Variants in PTPRD observed in about 807,000 individuals in gnomAD.
PTPRD encodes the protein receptor-type tyrosine-protein phosphatase delta.
PTPRD carries 34 observed loss-of-function variants against 214.5 expected under a neutral mutation model. The ratio of observed to expected loss-of-function variants is 0.16; its 90% CI spans 0.12 to 0.21. The LOEUF is 0.21. Among genes scored for constraint, PTPRD ranks in the 10% least tolerant of loss-of-function variants. The pLI is 1.00. For synonymous variants in PTPRD, 1,128 were observed against 845.7 expected, an observed-to-expected ratio of 1.33 and a Z score of -5.79; for missense variants, 2,545 against 2,398.7, an observed-to-expected ratio of 1.06 and a Z score of -1.27.
intron 9 of PTPRD, among the ~76,000 whole-genome samples, chr9:9,329,157 C>A (rs2041334099): frequency 6.6e-6 from 1 of 151,976 alleles, no homozygotes; most frequent in Non-Finnish European, 1.5e-5. Flanking sequence ...TTGGTAATGA[C>A]AACGAGAGTC....
chr9:9,996,332 A>G (rs1381348238), intron 4 of PTPRD, among the ~76,000 whole-genome samples: 1 of 152,218 alleles, frequency 6.6e-6, no homozygotes, highest in Admixed American at 6.5e-5. Context: ...AATTTGTTAC[A>G]CAATATTACC....
intron 5 of PTPRD, among the ~76,000 whole-genome samples, chr9:9,778,120 GGC>G (rs2154487302): frequency 6.6e-6 from 1 of 152,268 alleles, no homozygotes; most frequent in South Asian, 2.1e-4. Context: ...CCATAATATG[GGC>G]AGATGTTTGG....
intron 5 of PTPRD, among the ~76,000 whole-genome samples, chr9:9,819,833 CT>C (rs1286121160): frequency 6.6e-6 from 1 of 151,832 alleles, no homozygotes; most frequent in Non-Finnish European, 1.5e-5. Context: ...ATTTTTTTTT[CT>C]TTTATGGCTA....
At chr9:8,424,279 A>T (rs1213345459) in intron 35 of PTPRD, among the ~76,000 whole-genome samples, 2 of 152,190 alleles carry the variant, frequency 1.3e-5, no homozygotes, top group Non-Finnish European at 2.9e-5. Context: ...CTGTGGTGAA[A>T]GGAAATCAAC....
intron 11 of PTPRD, among the ~76,000 whole-genome samples, chr9:8,892,136 C>T (rs1385839402): frequency 1.3e-5 from 2 of 152,090 alleles, no homozygotes; most frequent in Admixed American, 1.3e-4. Context: ...TGACCCCAGC[C>T]CTAACAGCAT....
intron 10 of PTPRD, 115 bp downstream of exon 10, chr9:9,183,189 T>A (rs982552591): frequency 6.6e-6 from 1 of 151,974 alleles, no homozygotes; most frequent in African/African-American, 2.4e-5. Context: ...GTTTGAGTAT[T>A]TTATCCATCC....
At position 10,180,170 on chromosome 9, in the gene PTPRD, A is replaced by G. The variant is rs370300566; in HGVS notation, c.-544-146380T>C. On this transcript the variant is annotated intron_variant, in intron 3 of 45. Coordinates refer to ENST00000381196, the MANE Select transcript of PTPRD (RefSeq NM_002839.4). Reference sequence around the variant, plus strand: ...AATTTAAAACATATGTTTAAAAAATATCAGAAAATATTTCAATCAAATTAT... The same window carrying G: ...AATTTAAAACATATGTTTAAAAAATGTCAGAAAATATTTCAATCAAATTAT... Among the ~76,000 whole-genome samples, 4 of 152,252 alleles carry G rather than the reference A, an allele frequency of 2.6e-5. No individual in the cohort carries two copies. In the East Asian group the frequency reaches 7.7e-4, roughly 29 times the overall value.
rs912678017 is a variant in PTPRD, at chr9:9,630,249, A to G, written c.-286-55468T>C. Among the ~76,000 whole-genome samples, 8 of 152,220 alleles carry G rather than the reference A, an allele frequency of 5.3e-5. 1 individual carries two copies. Among genetic ancestry groups the G allele is most frequent in the Admixed American group, 5.2e-4 (8 of 15,278 alleles). On this transcript the variant is annotated intron_variant, in intron 7 of 45. Coordinates refer to ENST00000381196, the MANE Select transcript of PTPRD (RefSeq NM_002839.4). The stretch of plus-strand genomic sequence containing the variant: ...TAGGTTGGAGGTTGCCACCATTTTC[A>G]TTTAGGTCATAGACAACATACCAGG...
chr9:8,915,518 T>C (rs149199679), intron 11 of PTPRD, among the ~76,000 whole-genome samples: 2 of 152,242 alleles, frequency 1.3e-5, no homozygotes, highest in Non-Finnish European at 2.9e-5. Flanking sequence ...TGTGTATATA[T>C]ACAAACATAT....
rs532179627 is a variant in PTPRD at position 8,339,193 on chromosome 9, A to G, written c.5254-146T>C. 185 of 820,932 alleles carry G rather than the reference A, an allele frequency of 2.3e-4. 1 individual carries two copies. The Admixed American group carries it at 5.5e-3, about 24-fold the overall frequency. The allele number at this position is 820,932 out of a possible 1,614,324, so 50.9% of individuals were successfully genotyped here. ...AGGCAATTCCAATTGCATATGACTC[A>G]TTTCCTCTTAGAAACCATGAGCTCC... is the stretch of plus-strand genomic sequence containing the variant. On this transcript the variant is annotated intron_variant, in intron 42 of 45. Transcript: ENST00000381196.
intron 36 of PTPRD, among the ~76,000 whole-genome samples, chr9:8,398,673 G>A (rs1417388320): frequency 6.6e-6 from 1 of 152,040 alleles, no homozygotes; most frequent in South Asian, 2.1e-4. Context: ...GATTAAGTTT[G>A]CCCTTTTTCT....
Position 8,842,941 on chromosome 9 carries a change from T to A in PTPRD, c.-103-108995A>T, listed in dbSNP as rs143860527. ...GCTGCACATGGAGCTTTAAGACAGA[T>A]CTATCTGCTTTGGACAGCCCAGTCT... is the stretch of plus-strand genomic sequence containing the variant. On this transcript the variant is annotated intron_variant, in intron 11 of 45. Transcript: ENST00000381196. Among the ~76,000 whole-genome samples the A allele has an allele frequency of 5.1e-4, 78 of 152,252 alleles. 1 individual carries two copies. The highest frequency in any genetic ancestry group is 1.8e-3 in the African/African-American group (75 of 41,534).
At position 10,480,934 on chromosome 9, in the gene PTPRD, T is replaced by A. The variant is rs186295039; in HGVS notation, c.-600+131464A>T. 2.3e-3 allele frequency among the ~76,000 whole-genome samples: 354 copies of A among 152,266 alleles called. 2 individuals carry two copies. The highest frequency in any genetic ancestry group is 8.0e-3 in the African/African-American group (332 of 41,560). On this transcript the variant is annotated intron_variant, in intron 2 of 45. Coordinates refer to ENST00000381196, the MANE Select transcript of PTPRD (RefSeq NM_002839.4). ...TAAACTCTTCTTTGATACCCTGTAATAAGATTGGAACTTGTTCTGGGAAGC... is the reference window on the plus strand; with the variant it reads ...TAAACTCTTCTTTGATACCCTGTAAAAAGATTGGAACTTGTTCTGGGAAGC...
chr9:9,763,284 G>A (rs571062475), intron 6 of PTPRD, among the ~76,000 whole-genome samples: 33 of 152,134 alleles, frequency 2.2e-4, no homozygotes, highest in Non-Finnish European at 2.5e-4. Context: ...AATGATGGGT[G>A]TGTTTCTTTT....
intron 14 of PTPRD, among the ~76,000 whole-genome samples, chr9:8,554,913 A>G (rs1311687928): frequency 2.0e-5 from 3 of 151,822 alleles, no homozygotes; most frequent in Non-Finnish European, 4.4e-5. Context: ...GAGTCCATCA[A>G]GTTGAAACTT....
intron 8 of PTPRD, among the ~76,000 whole-genome samples, chr9:9,411,490 C>T (rs1040218156): frequency 6.6e-6 from 1 of 152,138 alleles, no homozygotes; most frequent in Non-Finnish European, 1.5e-5. Context: ...CCAAATTACT[C>T]TTTTACTCTA....
intron 11 of PTPRD, among the ~76,000 whole-genome samples, chr9:8,966,941 CAACA>C (rs542780931): frequency 5.4e-5 from 8 of 149,054 alleles, no homozygotes; most frequent in Admixed American, 1.3e-4. Context: ...AACAACAAAA[CAACA>C]AACAAACAAA....
intron 12 of PTPRD, among the ~76,000 whole-genome samples, chr9:8,645,999 CA>C (rs1455195480): frequency 6.7e-6 from 1 of 150,300 alleles, no homozygotes; most frequent in African/African-American, 2.5e-5. Context: ...TTTTTGTACC[CA>C]AAAACAATGG....
intron 25 of PTPRD, 80 bp from the exon 26 acceptor site, chr9:8,497,348 C>T: frequency 8.3e-7 from 1 of 1,203,098 alleles, no homozygotes; most frequent in Non-Finnish European, 1.1e-6. Context: ...CAGTGTTGCC[C>T]TTGTTAGATT....
Sources: allele counts gnomAD v4.1 joint callset (sites outside exome capture counted in the v4.1 genomes callset), GRCh38; gene constraint gnomAD v4.1.1; transcripts MANE v1.5; gene names NCBI Gene and HGNC (gene_info 2026-07-23, HGNC 2026-07-21).